The following SHISA9 variants were observed in gnomAD, a reference collection of about 807,000 sequenced individuals.
SHISA9 encodes protein shisa-9.
SHISA9 carries 13 observed loss-of-function variants against 38.0 expected under a neutral mutation model. The ratio of observed to expected loss-of-function variants is 0.34; its 90% CI spans 0.22 to 0.54. The LOEUF (loss-of-function observed/expected upper bound fraction) is 0.54, where lower values mean the gene tolerates loss of function less well. Ranked by LOEUF, SHISA9 falls within the 20% of genes least tolerant of loss-of-function variation. The probability of loss-of-function intolerance (pLI) is 0.91; values close to 1 mark genes in which losing one functional copy is unlikely to be tolerated. For synonymous variants in SHISA9, 275 were observed against 242.0 expected (o/e 1.14, Z -1.27); for missense variants, 538 against 575.8 (o/e 0.93, Z 0.67).
chr16:12,981,758 G>A (rs2072242690), intron 2 of SHISA9, among the ~76,000 whole-genome samples: 1 of 152,190 alleles, frequency 6.6e-6, no homozygotes, highest in South Asian at 2.1e-4. Context: ...GGTAATTAAG[G>A]TCAAATGAGG....
the SHISA9 span, among the ~76,000 whole-genome samples, chr16:13,421,946 T>A: frequency 6.6e-6 from 1 of 152,180 alleles, no homozygotes; most frequent in Non-Finnish European, 1.5e-5. Flanking sequence ...GCACAGGAAA[T>A]GCCCATGTGG....
the SHISA9 span, among the ~76,000 whole-genome samples, chr16:13,480,983 G>A: frequency 2.6e-5 from 4 of 152,148 alleles, no homozygotes; most frequent in Non-Finnish European, 5.9e-5. Flanking sequence ...ATAAACAAAA[G>A]CCTTTTTTCT....
the SHISA9 span, among the ~76,000 whole-genome samples, chr16:13,294,274 T>C: frequency 1.3e-5 from 2 of 152,340 alleles, no homozygotes. Flanking sequence ...TCCCTGAGGA[T>C]TGGCTGCCCC....
the SHISA9 span, among the ~76,000 whole-genome samples, chr16:13,255,728 A>T: frequency 3.9e-5 from 6 of 152,320 alleles, no homozygotes; most frequent in Non-Finnish European, 7.3e-5. Flanking sequence ...TATTCATTCA[A>T]CATATTATTA....
chr16:13,049,156 ATGTGTGTGTGTGTGTG>A (rs10526925), intron 2 of SHISA9, among the ~76,000 whole-genome samples: 122 of 63,982 alleles, frequency 1.9e-3, no homozygotes, highest in South Asian at 0.015. Flanking sequence ...GGTTAGGAGT[ATGTGTGTGTGTGTGTG>A]TGTGTGTGTG....
the SHISA9 span, among the ~76,000 whole-genome samples, chr16:13,364,974 C>T: frequency 6.6e-6 from 1 of 151,988 alleles, no homozygotes; most frequent in Non-Finnish European, 1.5e-5. Flanking sequence ...TTGAGGAGAG[C>T]CTATGAAGCT....
At chr16:13,483,663 A>G in the SHISA9 span, among the ~76,000 whole-genome samples, 1 of 151,876 alleles carries the variant, frequency 6.6e-6, no homozygotes, top group African/African-American at 2.4e-5. Context: ...TGTGGGTCTT[A>G]AGACCACCCA....
chr16:13,123,258 A>G (rs1054898096), intron 2 of SHISA9, among the ~76,000 whole-genome samples: 1 of 152,226 alleles, frequency 6.6e-6, no homozygotes, highest in Non-Finnish European at 1.5e-5. Context: ...ATTTTCTGCT[A>G]TCTTGGGAAG....
intron 2 of SHISA9, among the ~76,000 whole-genome samples, chr16:12,939,497 C>A (rs758385229): frequency 3.3e-5 from 5 of 152,270 alleles, no homozygotes; most frequent in African/African-American, 1.2e-4. Context: ...TTTCATTGTA[C>A]TTTGAATGGA....
chr16:13,516,843 CACAT>C, the SHISA9 span, among the ~76,000 whole-genome samples: 2 of 151,688 alleles, frequency 1.3e-5, no homozygotes, highest in African/African-American at 4.8e-5. Flanking sequence ...CATAACTGAT[CACAT>C]ACATCCATTA....
chr16:13,363,292 CT>C, the SHISA9 span, among the ~76,000 whole-genome samples: 1 of 152,216 alleles, frequency 6.6e-6, no homozygotes, highest in Non-Finnish European at 1.5e-5. Context: ...ACTATAGTAT[CT>C]TTGAAGGAAA....
chr16:13,454,028 G>A, the SHISA9 span, among the ~76,000 whole-genome samples: 2 of 152,078 alleles, frequency 1.3e-5, no homozygotes, highest in African/African-American at 4.8e-5. Context: ...CTCCTTCTTC[G>A]AAGAGTACCA....
At chr16:13,184,559 G>A (rs1217542362) in intron 2 of SHISA9, among the ~76,000 whole-genome samples, 2 of 152,152 alleles carry the variant, frequency 1.3e-5, no homozygotes, top group Non-Finnish European at 2.9e-5. Flanking sequence ...TGTAACTACC[G>A]CTGCAATCAA....
At chr16:12,998,604 A>G (rs1027176706) in intron 2 of SHISA9, among the ~76,000 whole-genome samples, 1 of 152,192 alleles carries the variant, frequency 6.6e-6, no homozygotes, top group African/African-American at 2.4e-5. Context: ...ATCGTGGCTC[A>G]TGGAAATCTC....
intron 2 of SHISA9, among the ~76,000 whole-genome samples, chr16:13,190,227 C>T (rs2050870562): frequency 6.9e-6 from 1 of 145,686 alleles, no homozygotes; most frequent in Non-Finnish European, 1.5e-5. Flanking sequence ...CTATCCCTCC[C>T]CCCTCCCCCT....
chr16:12,967,281 C>T (rs973717819), intron 2 of SHISA9, among the ~76,000 whole-genome samples: 1 of 152,054 alleles, frequency 6.6e-6, no homozygotes, highest in African/African-American at 2.4e-5. Flanking sequence ...AAGCTGGAAA[C>T]CATCATTCTC....
At chr16:12,949,002 C>G (rs931438986) in intron 2 of SHISA9, among the ~76,000 whole-genome samples, 1 of 152,054 alleles carries the variant, frequency 6.6e-6, no homozygotes, top group African/African-American at 2.4e-5. Context: ...GTGTTAGTTT[C>G]CTTATCTTTA....
the SHISA9 span, among the ~76,000 whole-genome samples, chr16:13,360,569 C>T: frequency 6.6e-6 from 1 of 152,320 alleles, no homozygotes; most frequent in South Asian, 2.1e-4. Context: ...GCTTCCCCTT[C>T]CGCCATGATT....
the SHISA9 span, among the ~76,000 whole-genome samples, chr16:13,407,877 C>A: frequency 6.6e-6 from 1 of 152,156 alleles, no homozygotes; most frequent in Non-Finnish European, 1.5e-5. Flanking sequence ...GCTACAGCAA[C>A]CTTCTTACAA....
Sources: gnomAD v4.1 joint callset for allele counts (sites outside exome capture counted in the v4.1 genomes callset) on GRCh38, gnomAD v4.1.1 for gene constraint, MANE v1.5 for transcripts, NCBI Gene and HGNC (gene_info 2026-07-23, HGNC 2026-07-21) for gene names.